AFG1L: variants seen among roughly 807,000 people sequenced by gnomAD.
AFG1L encodes AFG1-like ATPase.
AFG1L carries 53 observed loss-of-function variants against 62.2 expected under a neutral mutation model. The ratio of observed to expected loss-of-function variants is 0.85; its 90% CI spans 0.68 to 1.07. AFG1L has a LOEUF of 1.07. AFG1L is among the 50% of genes least tolerant of loss of function. The pLI is 0.00. For synonymous variants in AFG1L, 228 were observed against 210.3 expected (o/e 1.08, Z -0.73); for missense variants, 555 against 590.5 (o/e 0.94, Z 0.62).
intron 7 of AFG1L, among the ~76,000 whole-genome samples, chr6:108,435,632 T>G (rs935746060): frequency 2.0e-5 from 3 of 152,236 alleles, no homozygotes; most frequent in Non-Finnish European, 4.4e-5. Flanking sequence ...TGTTTCCTCA[T>G]ATAGACTCGA....
intron 10 of AFG1L, among the ~76,000 whole-genome samples, chr6:108,490,805 C>A (rs1379260205): frequency 6.6e-6 from 1 of 152,200 alleles, no homozygotes; most frequent in East Asian, 1.9e-4. Flanking sequence ...AAATAGATTT[C>A]TACTTCCCTA....
intron 5 of AFG1L, among the ~76,000 whole-genome samples, chr6:108,360,417 C>T (rs950055275): frequency 6.6e-6 from 1 of 152,124 alleles, no homozygotes; most frequent in East Asian, 1.9e-4. Flanking sequence ...TTCATTTGAT[C>T]CCAAATTTTA....
rs914661186 is a variant in AFG1L, at chr6:108,300,747, A to G, written c.139+5529A>G. On this transcript the variant is annotated intron_variant, in intron 1 of 12. Transcript: ENST00000368977. ...GAGTGCAGTGGAGCGATGTCGGCTC[A>G]CTGCAACCTCCGTCTCACAGGTTCA... 3.5e-4 allele frequency among the ~76,000 whole-genome samples: 52 copies of G among 150,612 alleles called. 1 individual carries two copies. The highest frequency in any genetic ancestry group is 7.4e-5 in the Non-Finnish European group (5 of 67,826).
At chr6:108,516,636 T>G (rs1472540555) in intron 11 of AFG1L, among the ~76,000 whole-genome samples, 1 of 152,220 alleles carries the variant, frequency 6.6e-6, no homozygotes, top group Non-Finnish European at 1.5e-5. Flanking sequence ...AACATAGTGT[T>G]GGAAGTTCTG....
chr6:108,302,817 A>G (rs1777057920), intron 1 of AFG1L, among the ~76,000 whole-genome samples: 1 of 152,218 alleles, frequency 6.6e-6, no homozygotes. Context: ...CCGTAAGTTA[A>G]GATACTCACT....
chr6:108,459,936 A>G (rs1055962586), intron 8 of AFG1L, among the ~76,000 whole-genome samples: 2 of 152,228 alleles, frequency 1.3e-5, no homozygotes, highest in Non-Finnish European at 2.9e-5. Context: ...TTCAACAAAT[A>G]AATAAGAAAG....
At position 108,523,037 on chromosome 6, in the gene AFG1L, A is replaced by G. The variant is rs2114925054; in HGVS notation, c.*612A>G. 1 of 152,226 alleles carries G rather than the reference A, an allele frequency of 6.6e-6. No individual in the cohort carries two copies. The highest frequency in any genetic ancestry group is 1.5e-5 in the Non-Finnish European group (1 of 68,014). 9.4% of individuals were successfully genotyped at this position (152,226 alleles called of 1,614,324 possible). ...GCAGGACTTGATCTCAAGTGGTCAC[A>G]AAGTTTTCTAAAAAAAAATAGAAAA... On this transcript the variant is annotated 3_prime_UTR_variant, in exon 13 of 13. Coordinates refer to ENST00000368977, the MANE Select transcript of AFG1L (RefSeq NM_145315.5).
chr6:108,437,594 T>C (rs1335746840), intron 7 of AFG1L, among the ~76,000 whole-genome samples: 1 of 152,144 alleles, frequency 6.6e-6, no homozygotes, highest in Non-Finnish European at 1.5e-5. Flanking sequence ...TCCTACGTAA[T>C]GGAAATTTAC....
chr6:108,449,123 G>A (rs1771938979), intron 8 of AFG1L, among the ~76,000 whole-genome samples: 1 of 151,128 alleles, frequency 6.6e-6, no homozygotes, highest in African/African-American at 2.4e-5. Context: ...ACTTCAGCCT[G>A]GGCGACAGAG....
At chr6:108,295,291 G>T in intron 1 of AFG1L, 73 bp downstream of exon 1, 8 of 1,498,758 alleles carry the variant, frequency 5.3e-6, no homozygotes, top group Non-Finnish European at 6.2e-6. Flanking sequence ...TACCCTCCCT[G>T]TCCGATCTAC....
At chr6:108,496,244 G>C (rs562275215) in intron 10 of AFG1L, among the ~76,000 whole-genome samples, 1 of 152,356 alleles carries the variant, frequency 6.6e-6, no homozygotes, top group South Asian at 2.1e-4. Flanking sequence ...CAAAGGAGTA[G>C]AGAAATGTCT....
chr6:108,426,064 A>G (rs1770801608), intron 7 of AFG1L, among the ~76,000 whole-genome samples: 1 of 152,224 alleles, frequency 6.6e-6, no homozygotes, highest in Admixed American at 6.5e-5. Context: ...TATCCTGGAT[A>G]CTAAAACTCT....
At chr6:108,435,680 G>C (rs1040268742) in intron 7 of AFG1L, among the ~76,000 whole-genome samples, 1 of 152,178 alleles carries the variant, frequency 6.6e-6, no homozygotes, top group African/African-American at 2.4e-5. Flanking sequence ...GAGACCTGAT[G>C]ATGAGTAGGT....
intron 10 of AFG1L, among the ~76,000 whole-genome samples, chr6:108,486,430 C>T (rs941890169): frequency 1.3e-5 from 2 of 151,972 alleles, no homozygotes; most frequent in African/African-American, 4.8e-5. Context: ...CATTTTATCA[C>T]TTTGAAATAT....
intron 5 of AFG1L, chr6:108,359,551 G>A (rs1779440449): frequency 6.6e-6 from 1 of 152,146 alleles, no homozygotes; most frequent in Non-Finnish European, 1.5e-5. Context: ...TGCCTTGAAG[G>A]CCCTTATTCC....
chr6:108,523,056 T>C lies in AFG1L; in HGVS notation c.*631T>C, dbSNP rs1028377288. On this transcript the variant is annotated 3_prime_UTR_variant, in exon 13 of 13. Coordinates refer to ENST00000368977, the MANE Select transcript of AFG1L (RefSeq NM_145315.5). ...GGTCACAAAGTTTTCTAAAAAAAAA[T>C]AGAAAATTATGATGGGATCAAATAA... The C allele has an allele frequency of 1.3e-5, 2 of 150,784 alleles. No individual in the cohort carries two copies. Among genetic ancestry groups the C allele is most frequent in the African/African-American group, 4.9e-5 (2 of 40,902 alleles). The allele number at this position is 150,784 out of a possible 1,614,324, so 9.3% of individuals were successfully genotyped here.
In AFG1L at chr6:108,391,930, G is replaced by A. The variant is rs912708831; in HGVS notation, c.749-10066G>A. ...CTGAAAGCCTGCCATTGTTAATGTT[G>A]TTTGCAACCAGCGTAGGTGTTCTGA... On this transcript the variant is annotated intron_variant, in intron 6 of 12. Coordinates refer to ENST00000368977, the MANE Select transcript of AFG1L (RefSeq NM_145315.5). 3 of 152,238 alleles carry A rather than the reference G, an allele frequency of 2.0e-5. No homozygotes were observed. In the East Asian group the frequency reaches 5.8e-4, roughly 29 times the overall value. 9.4% of individuals were successfully genotyped at this position (152,238 alleles called of 1,614,324 possible). A position where few individuals can be genotyped will look rare whatever the true frequency, so the allele number is the denominator to read the frequency against.
chr6:108,501,986 G>T (rs72940608), intron 10 of AFG1L, among the ~76,000 whole-genome samples: 13,136 of 152,240 alleles, frequency 0.086, 671 homozygotes, highest in South Asian at 0.24. Flanking sequence ...CCTTCAGTGA[G>T]TTGTAGTGTT....
At chr6:108,371,470 G>C (rs1483027405) in intron 6 of AFG1L, among the ~76,000 whole-genome samples, 1 of 151,910 alleles carries the variant, frequency 6.6e-6, no homozygotes, top group African/African-American at 2.4e-5. Flanking sequence ...CTGCATCCTC[G>C]ACCTCCTGAG....
Sources: gnomAD v4.1 joint callset for allele counts (sites outside exome capture counted in the v4.1 genomes callset) on GRCh38, gnomAD v4.1.1 for gene constraint, MANE v1.5 for transcripts, NCBI Gene and HGNC (gene_info 2026-07-23, HGNC 2026-07-21) for gene names.